Variants in DMTF1 observed in about 807,000 individuals in gnomAD.
The protein encoded by DMTF1 is cyclin-D-binding Myb-like transcription factor 1.
Under a neutral mutation model 91.1 loss-of-function variants are expected in DMTF1, and 39 were observed. The ratio of observed to expected loss-of-function variants is 0.43; its 90% confidence interval spans 0.33 to 0.56. The LOEUF is 0.56. Among genes scored for constraint, DMTF1 ranks in the 20% least tolerant of loss-of-function variants. DMTF1 has a pLI of 0.05. For missense variants in DMTF1, 750 were observed against 914.5 expected (o/e 0.82, Z 2.32); for synonymous variants, 338 against 309.5 (o/e 1.09, Z -0.97).
chr7:87,172,148 G>C (rs1795204786), intron 5 of DMTF1, among the ~76,000 whole-genome samples: 1 of 152,080 alleles, frequency 6.6e-6, no homozygotes, highest in South Asian at 2.1e-4. Flanking sequence ...ATAGCTCTCT[G>C]TTACACTCTT....
At chr7:87,169,267 TG>T (rs2129086738) in intron 4 of DMTF1, among the ~76,000 whole-genome samples, 1 of 152,242 alleles carries the variant, frequency 6.6e-6, no homozygotes, top group East Asian at 1.9e-4. Flanking sequence ...GAGACCAGCC[TG>T]GGCAACAAGG....
chr7:87,181,953 A>G, intron 9 of DMTF1: 2 of 1,308,298 alleles, frequency 1.5e-6, no homozygotes, highest in South Asian at 1.4e-5. Context: ...TGTGTCAGTA[A>G]CCTGAGGGGA....
intron 15 of DMTF1, 91 bp from the exon 16 acceptor site, chr7:87,193,634 T>C: frequency 8.2e-7 from 1 of 1,218,330 alleles, no homozygotes. Context: ...ATTTACAGTT[T>C]GAGAGGTAAG....
intron 15 of DMTF1, 98 bp downstream of exon 15, chr7:87,193,451 C>G (rs1690139420): frequency 4.0e-6 from 5 of 1,244,714 alleles, no homozygotes; most frequent in Non-Finnish European, 5.7e-6. Context: ...ACAGTTCTTC[C>G]TACTGCTGCT....
chr7:87,158,942 G>A (rs1038007009), intron 1 of DMTF1, among the ~76,000 whole-genome samples: 3 of 147,950 alleles, frequency 2.0e-5, no homozygotes, highest in African/African-American at 4.9e-5. Context: ...CTGGCTCACT[G>A]TAAACTGCCT....
intron 8 of DMTF1, among the ~76,000 whole-genome samples, chr7:87,180,444 A>G (rs188239343): frequency 6.6e-6 from 1 of 152,378 alleles, no homozygotes; most frequent in East Asian, 1.9e-4. Flanking sequence ...AATGGTTACA[A>G]AGTGAGCAGC....
intron 16 of DMTF1, chr7:87,194,348 T>C (rs567502095): frequency 1.4e-4 from 68 of 475,876 alleles, no homozygotes; most frequent in Non-Finnish European, 2.2e-4. Flanking sequence ...CTACAATACA[T>C]TGAGAAATGT....
chr7:87,153,098 T>G (rs1789654298), intron 1 of DMTF1, among the ~76,000 whole-genome samples: 1 of 152,174 alleles, frequency 6.6e-6, no homozygotes, highest in Admixed American at 6.5e-5. Flanking sequence ...TCCCCCCCTT[T>G]GCTTTTTTGT....
In DMTF1 at chr7:87,182,231, C is replaced by T; in HGVS notation, c.714C>T (p.Leu238=). Residue 238 remains leucine (L), a synonymous_variant, in exon 10 of 18, where the codon CTC becomes CTT. Coordinates refer to ENST00000331242, the MANE Select transcript of DMTF1 (RefSeq NM_001142327.2). ...GATTGGCAGACTCTTGTTTTAGGCT[C>T]CGGATAAAGCATGGCAATGACTGGG... The part of the protein sequence containing the change: ...TPEEIEKLKE[L]RIKHGNDWAT... 1.9e-6 allele frequency: 3 copies of T among 1,614,020 alleles called. No individual in the cohort carries two copies. Among genetic ancestry groups the T allele is most frequent in the Non-Finnish European group, 1.7e-6 (2 of 1,179,950 alleles).
intron 4 of DMTF1, among the ~76,000 whole-genome samples, chr7:87,169,476 C>A (rs182168102): frequency 5.6e-4 from 85 of 152,186 alleles, no homozygotes; most frequent in African/African-American, 2.0e-3. Flanking sequence ...ATAAAAAGTT[C>A]CTTTAGCTCA....
intron 4 of DMTF1, among the ~76,000 whole-genome samples, chr7:87,167,590 A>G (rs549440418): frequency 6.6e-6 from 1 of 152,264 alleles, no homozygotes; most frequent in Non-Finnish European, 1.5e-5. Context: ...TATCTATCAT[A>G]TCTTAACAAG....
chr7:87,165,423 G>A (rs887353485), intron 3 of DMTF1, among the ~76,000 whole-genome samples: 7 of 152,104 alleles, frequency 4.6e-5, no homozygotes, highest in Admixed American at 4.6e-4. Flanking sequence ...ACTTAATATG[G>A]TGATCTACAA....
At chr7:87,181,993 T>C (rs1797481024) in intron 9 of DMTF1, 1 of 1,505,220 alleles carries the variant, frequency 6.6e-7, no homozygotes, top group African/African-American at 1.4e-5. Flanking sequence ...CATATCCAAG[T>C]TACTTATTTC....
intron 14 of DMTF1, 158 bp from the exon 15 acceptor site, chr7:87,193,040 T>A: frequency 1.5e-6 from 1 of 669,286 alleles, no homozygotes. Context: ...ACCTTCAGGC[T>A]AGGTAATGAC....
At chr7:87,178,840 C>T (rs1283045533) in intron 7 of DMTF1, among the ~76,000 whole-genome samples, 1 of 150,264 alleles carries the variant, frequency 6.7e-6, no homozygotes, top group African/African-American at 2.4e-5. Flanking sequence ...TAGGATTTAC[C>T]TATAATGTCA....
chr7:87,168,379 A>G (rs1562798603), intron 4 of DMTF1, among the ~76,000 whole-genome samples: 1 of 151,996 alleles, frequency 6.6e-6, no homozygotes, highest in Non-Finnish European at 1.5e-5. Context: ...CTTACCTATT[A>G]CTAGAGTCCA....
chr7:87,167,556 C>G (rs1794108365), intron 4 of DMTF1, among the ~76,000 whole-genome samples: 1 of 152,098 alleles, frequency 6.6e-6, no homozygotes, highest in Non-Finnish European at 1.5e-5. Flanking sequence ...AAAAGCAAGA[C>G]TTGGTTTTCA....
chr7:87,157,846 GTTTT>G (rs199764964), intron 1 of DMTF1, among the ~76,000 whole-genome samples: 10 of 143,580 alleles, frequency 7.0e-5, no homozygotes, highest in Non-Finnish European at 1.4e-4. Context: ...AAGGTTATGT[GTTTT>G]TTTTTTTAAG....
intron 2 of DMTF1, among the ~76,000 whole-genome samples, 179 bp downstream of exon 2, chr7:87,163,796 G>A (rs1793101099): frequency 6.6e-6 from 1 of 152,136 alleles, no homozygotes; most frequent in Non-Finnish European, 1.5e-5. Context: ...TCTTTACCAT[G>A]TAAATGTTAA....
Sources: allele counts gnomAD v4.1 joint callset (sites outside exome capture counted in the v4.1 genomes callset), GRCh38; gene constraint gnomAD v4.1.1; transcripts MANE v1.5; gene names NCBI Gene and HGNC (gene_info 2026-07-23, HGNC 2026-07-21).